Variants in TAFA2 observed in about 807,000 individuals in gnomAD.
The protein encoded by TAFA2 is TAFA chemokine like family member 2, also known as chemokine-like protein TAFA-2.
TAFA2 carries 7 observed loss-of-function variants against 18.8 expected under a neutral mutation model. That is an observed-to-expected ratio of 0.37 (90% confidence interval 0.21 to 0.70). The LOEUF is 0.70. Among genes scored for constraint, TAFA2 ranks in the 30% least tolerant of loss-of-function variants. The probability of loss-of-function intolerance (pLI) is 0.53; values close to 1 mark genes in which losing one functional copy is unlikely to be tolerated. For synonymous variants in TAFA2, 60 were observed against 54.2 expected, an observed-to-expected ratio of 1.11 and a Z score of -0.47; for missense variants, 122 against 158.1, an observed-to-expected ratio of 0.77 and a Z score of 1.23.
At chr12:62,001,705 C>T (rs1221868182) in intron 1 of TAFA2, among the ~76,000 whole-genome samples, 3 of 152,176 alleles carry the variant, frequency 2.0e-5, no homozygotes, top group East Asian at 1.9e-4. Context: ...CCTGCTGTGT[C>T]GCCCAGTTCC....
intron 1 of TAFA2, among the ~76,000 whole-genome samples, chr12:61,902,178 G>A (rs1876135072): frequency 1.3e-5 from 2 of 150,450 alleles, no homozygotes; most frequent in Non-Finnish European, 2.9e-5. Flanking sequence ...CACCGAGGCT[G>A]TCTACAAAAT....
upstream of TAFA2, among the ~76,000 whole-genome samples, chr12:62,194,148 A>T (rs762285418): frequency 2.0e-5 from 3 of 152,268 alleles, no homozygotes; most frequent in Non-Finnish European, 4.4e-5. Context: ...ATTTTAAAAC[A>T]CCTGGCACTG....
At chr12:62,112,909 C>T (rs897860544) in intron 1 of TAFA2, among the ~76,000 whole-genome samples, 6 of 152,030 alleles carry the variant, frequency 3.9e-5, no homozygotes, top group Non-Finnish European at 5.9e-5. Context: ...TCTTAGCTTC[C>T]TTGCACTGGG....
chr12:61,988,726 G>A (rs183928709), intron 1 of TAFA2, among the ~76,000 whole-genome samples: 173 of 152,236 alleles, frequency 1.1e-3, no homozygotes, highest in Non-Finnish European at 2.1e-3. Flanking sequence ...GCCCAACAAC[G>A]GAGATGTGTC....
intron 1 of TAFA2, among the ~76,000 whole-genome samples, chr12:62,201,475 TC>T (rs2062670687): frequency 6.6e-6 from 1 of 152,226 alleles, no homozygotes; most frequent in Non-Finnish European, 1.5e-5. Context: ...AAAAGCCTTT[TC>T]CTATGTCTAT....
intron 2 of TAFA2, among the ~76,000 whole-genome samples, chr12:61,803,739 G>A (rs1871491620): frequency 6.6e-6 from 1 of 151,418 alleles, no homozygotes. Context: ...CTTCTTCTAT[G>A]GCTAGTTAAA....
chr12:61,772,077 A>T (rs141445667), intron 2 of TAFA2, among the ~76,000 whole-genome samples: 1 of 151,982 alleles, frequency 6.6e-6, no homozygotes, highest in Admixed American at 6.6e-5. Context: ...AATACAAAAG[A>T]TCACTTAAGG....
chr12:62,184,601 C>T (rs1359032892), intron 1 of TAFA2, among the ~76,000 whole-genome samples: 1 of 147,888 alleles, frequency 6.8e-6, no homozygotes, highest in Non-Finnish European at 1.5e-5. Context: ...TCAAGTGATC[C>T]TCCCCCCTCT....
chr12:61,791,515 C>A (rs1306997257), intron 2 of TAFA2, among the ~76,000 whole-genome samples: 1 of 151,446 alleles, frequency 6.6e-6, no homozygotes, highest in African/African-American at 2.4e-5. Context: ...GGCACTCAAC[C>A]CAATAACAAC....
At chr12:62,044,235 C>T (rs368795986) in intron 1 of TAFA2, among the ~76,000 whole-genome samples, 75 of 151,958 alleles carry the variant, frequency 4.9e-4, no homozygotes, top group African/African-American at 1.6e-3. Flanking sequence ...TTTGAATTGC[C>T]GAAAGCTTTT....
At chr12:61,776,201 G>C (rs1335195978) in intron 2 of TAFA2, 2 of 230,110 alleles carry the variant, frequency 8.7e-6, no homozygotes, top group South Asian at 5.8e-5. Flanking sequence ...TGTGTATTGA[G>C]CATATTAAGC....
intron 1 of TAFA2, among the ~76,000 whole-genome samples, chr12:62,139,559 T>C (rs1489598525): frequency 6.6e-6 from 1 of 152,164 alleles, no homozygotes; most frequent in East Asian, 1.9e-4. Flanking sequence ...TAATACCTCT[T>C]CTCCTGGTTT....
At chr12:61,742,971 C>T (rs1417909782) in intron 4 of TAFA2, among the ~76,000 whole-genome samples, 3 of 151,900 alleles carry the variant, frequency 2.0e-5, no homozygotes, top group Non-Finnish European at 4.4e-5. Context: ...AAATCAGACC[C>T]TTCTCCTCTC....
At chr12:61,971,694 G>A (rs1346452146) in intron 1 of TAFA2, among the ~76,000 whole-genome samples, 1 of 151,492 alleles carries the variant, frequency 6.6e-6, no homozygotes, top group Non-Finnish European at 1.5e-5. Context: ...TGGACACTGG[G>A]AGGGAAACAT....
chr12:62,015,129 T>C (rs996954060), intron 1 of TAFA2, among the ~76,000 whole-genome samples: 1 of 152,212 alleles, frequency 6.6e-6, no homozygotes, highest in African/African-American at 2.4e-5. Flanking sequence ...AATTTAAACT[T>C]GTCTGCCCCA....
In TAFA2 at chr12:61,945,943, T is replaced by C. The variant is rs1390078918; in HGVS notation, c.-1-78517A>G. Among the ~76,000 whole-genome samples the C allele has an allele frequency of 2.7e-5, 4 of 147,508 alleles. No homozygotes were observed. In the East Asian group the frequency reaches 8.0e-4, roughly 30 times the overall value. ...ACTACCAATGACTTTCTTCACAGAA[T>C]TGGAAAAAACTACTTTAAAGTTCAT... On this transcript the variant is annotated intron_variant, in intron 1 of 4. Coordinates refer to ENST00000416284, the MANE Select transcript of TAFA2 (RefSeq NM_178539.5).
intron 2 of TAFA2, among the ~76,000 whole-genome samples, chr12:61,778,232 G>T (rs1870354099): frequency 6.6e-6 from 1 of 151,810 alleles, no homozygotes; most frequent in Non-Finnish European, 1.5e-5. Context: ...TGGATTCAAA[G>T]CTCATTCCTT....
At chr12:62,065,492 G>T (rs1882460783) in intron 1 of TAFA2, among the ~76,000 whole-genome samples, 1 of 152,020 alleles carries the variant, frequency 6.6e-6, no homozygotes, top group Non-Finnish European at 1.5e-5. Flanking sequence ...TTGAAAAAAT[G>T]TGCACTTGAA....
intron 1 of TAFA2, among the ~76,000 whole-genome samples, chr12:62,244,633 C>G (rs1265570477): frequency 6.6e-6 from 1 of 152,110 alleles, no homozygotes; most frequent in East Asian, 1.9e-4. Context: ...ACATCTACAA[C>G]TTTACTAAAC....
Sources: gnomAD v4.1 joint callset for allele counts (sites outside exome capture counted in the v4.1 genomes callset) on GRCh38, gnomAD v4.1.1 for gene constraint, MANE v1.5 for transcripts, NCBI Gene and HGNC (gene_info 2026-07-23, HGNC 2026-07-21) for gene names.